Variants in ANKMY1 observed in about 807,000 individuals in gnomAD.
The protein encoded by ANKMY1 is ankyrin repeat and MYND domain containing 1.
In ANKMY1, 98 loss-of-function variants were observed where a neutral mutation model predicts 102.0. That is an observed-to-expected ratio of 0.96 (90% CI 0.82 to 1.14). ANKMY1 has a LOEUF of 1.14. ANKMY1 is among the 50% of genes most tolerant of loss of function. ANKMY1 has a pLI of 0.00. For missense variants in ANKMY1, 1,330 were observed against 1,347.6 expected, an observed-to-expected ratio of 0.99 and a Z score of 0.20; for synonymous variants, 582 against 559.9, an observed-to-expected ratio of 1.04 and a Z score of -0.56.
chr2:240,487,742 A>C (rs1024499725), intron 15 of ANKMY1, among the ~76,000 whole-genome samples: 3 of 152,068 alleles, frequency 2.0e-5, no homozygotes, highest in African/African-American at 7.2e-5. Flanking sequence ...CGAACAGATG[A>C]GCATTTTTTC....
chr2:240,482,502 C>T (rs943091543), intron 15 of ANKMY1, among the ~76,000 whole-genome samples: 4 of 152,268 alleles, frequency 2.6e-5, no homozygotes, highest in African/African-American at 9.6e-5. Flanking sequence ...TCTGCTGCTT[C>T]GCCTGTGTTG....
chr2:240,555,132 A>T, intron 2 of ANKMY1, 77 bp from the exon 3 acceptor site: 1 of 1,438,818 alleles, frequency 7.0e-7, no homozygotes, highest in Non-Finnish European at 9.6e-7. Flanking sequence ...ACAACCCCCG[A>T]GCACAACCCA....
At chr2:240,516,311 A>C (rs924091594) in intron 9 of ANKMY1, among the ~76,000 whole-genome samples, 3 of 152,198 alleles carry the variant, frequency 2.0e-5, no homozygotes, top group Non-Finnish European at 2.9e-5. Flanking sequence ...TCTTTACCTC[A>C]AACTACCTTT....
intron 13 of ANKMY1, 100 bp from the exon 14 acceptor site, chr2:240,500,665 A>C: frequency 1.0e-6 from 1 of 984,624 alleles, no homozygotes; most frequent in Non-Finnish European, 1.6e-6. Context: ...TGCAGTCCCC[A>C]CCAAGGCCGC....
intron 9 of ANKMY1, among the ~76,000 whole-genome samples, chr2:240,515,806 C>CGGGA (rs2081088683): frequency 1.3e-5 from 2 of 152,160 alleles, no homozygotes; most frequent in African/African-American, 4.8e-5. Flanking sequence ...CAAGCTCCTC[C>CGGGA]TCCCAGGTTC....
chr2:240,470,661 C>T, the ANKMY1 span, among the ~76,000 whole-genome samples: 4 of 152,092 alleles, frequency 2.6e-5, no homozygotes, highest in Admixed American at 1.3e-4. Flanking sequence ...TATGCAGCAT[C>T]GGCCTGGGAA....
the ANKMY1 span, among the ~76,000 whole-genome samples, chr2:240,469,529 G>GCAGCT: frequency 1.3e-5 from 2 of 152,212 alleles, no homozygotes; most frequent in Non-Finnish European, 2.9e-5. Flanking sequence ...CCTCCCTTGA[G>GCAGCT]CAGCTCAGCC....
chr2:240,514,791 G>A (rs2080887554), intron 9 of ANKMY1, among the ~76,000 whole-genome samples: 1 of 152,218 alleles, frequency 6.6e-6, no homozygotes, highest in Admixed American at 6.5e-5. Context: ...GCGCAGCATG[G>A]TGGAGGGAGG....
Position 240,554,857 on chromosome 2 carries a change from A to G in ANKMY1, c.336+9T>C, listed in dbSNP as rs2092105735. ...GGGGAGGAGGCGGAGAAAGTGTGGA[A>G]GCAGTTACCTCGCCTGTGGGCCAAG... On this transcript the variant is annotated intron_variant, in intron 3 of 17. Transcript: ENST00000401804. 1 of 1,613,846 alleles carries G rather than the reference A, an allele frequency of 6.2e-7. No individual in the cohort carries two copies. Among genetic ancestry groups the G allele is most frequent in the Admixed American group, 1.7e-5 (1 of 60,006 alleles).
At chr2:240,530,486 A>T (rs2085076387) in intron 4 of ANKMY1, among the ~76,000 whole-genome samples, 1 of 152,122 alleles carries the variant, frequency 6.6e-6, no homozygotes, top group Non-Finnish European at 1.5e-5. Context: ...TGCTCCCACC[A>T]CATGATGTGC....
At chr2:240,516,708 C>A (rs1363617116) in intron 9 of ANKMY1, among the ~76,000 whole-genome samples, 1 of 152,182 alleles carries the variant, frequency 6.6e-6, no homozygotes, top group African/African-American at 2.4e-5. Flanking sequence ...TGGGGGAGTT[C>A]ATGGAAAGGA....
At chr2:240,541,298 A>T (rs2088711142) in intron 4 of ANKMY1, among the ~76,000 whole-genome samples, 1 of 152,172 alleles carries the variant, frequency 6.6e-6, no homozygotes, top group Non-Finnish European at 1.5e-5. Flanking sequence ...CAACTGTTTC[A>T]GTTGGGACAC....
chr2:240,472,834 T>C, the ANKMY1 span, among the ~76,000 whole-genome samples: 1 of 152,120 alleles, frequency 6.6e-6, no homozygotes, highest in South Asian at 2.1e-4. Flanking sequence ...CAGGCCAACA[T>C]GATGCCACAG....
At chr2:240,524,665 G>A (rs780787794) in intron 7 of ANKMY1, among the ~76,000 whole-genome samples, 1 of 152,260 alleles carries the variant, frequency 6.6e-6, no homozygotes, top group African/African-American at 2.4e-5. Flanking sequence ...CAGGTGCTTA[G>A]AAGTGAAGGA....
downstream of ANKMY1, among the ~76,000 whole-genome samples, chr2:240,474,477 G>C (rs185568687): frequency 6.6e-6 from 1 of 152,090 alleles, no homozygotes; most frequent in East Asian, 1.9e-4. Flanking sequence ...AGGTAAACTC[G>C]TGTCATGGGG....
Position 240,506,284 on chromosome 2 carries a change from A to G in ANKMY1, c.2526+1276T>C, listed in dbSNP as rs1295646549. On this transcript the variant is annotated intron_variant, in intron 13 of 17. Transcript: ENST00000401804. The surrounding 1 kb of genome is among the most constrained non-coding windows in gnomAD (Gnocchi z 4.9). The stretch of plus-strand genomic sequence containing the variant: ...CCTTTCTCTATTTACTCAGACTTAG[A>G]TGAACAAGAGACTGGTCATCAATCC... Among the ~76,000 whole-genome samples, 1 of 152,182 alleles carries G rather than the reference A, an allele frequency of 6.6e-6. No individual in the cohort carries two copies. Among genetic ancestry groups the G allele is most frequent in the Non-Finnish European group, 1.5e-5 (1 of 68,030 alleles).
chr2:240,532,130 T>C (rs1056459686), intron 4 of ANKMY1: 8 of 468,136 alleles, frequency 1.7e-5, no homozygotes, highest in Non-Finnish European at 2.7e-5. Context: ...AAACATCACA[T>C]TGAAACTGTA....
downstream of ANKMY1, among the ~76,000 whole-genome samples, chr2:240,476,558 T>C (rs929500658): frequency 2.0e-5 from 3 of 152,302 alleles, 1 homozygote; most frequent in Admixed American, 6.5e-5. Context: ...GGGCCTGTCC[T>C]GGCAGATGTG....
intron 13 of ANKMY1, among the ~76,000 whole-genome samples, chr2:240,501,381 A>G (rs2078159377): frequency 6.6e-6 from 1 of 152,196 alleles, no homozygotes; most frequent in African/African-American, 2.4e-5. Flanking sequence ...CTCTGGCTCA[A>G]TAGGTACAAC....
Sources: gnomAD v4.1 joint callset for allele counts (sites outside exome capture counted in the v4.1 genomes callset) on GRCh38, gnomAD v4.1.1 for gene constraint, Gnocchi (gnomAD v3.1) non-coding constraint, MANE v1.5 for transcripts, NCBI Gene and HGNC (gene_info 2026-07-23, HGNC 2026-07-21) for gene names.